The following ANP32A variants were observed in gnomAD, a reference collection of about 807,000 sequenced individuals.
ANP32A encodes the protein acidic leucine-rich nuclear phosphoprotein 32 family member A.
A neutral mutation model predicts 33.9 loss-of-function variants in ANP32A; 1 was observed. That is an observed-to-expected ratio of 0.03 (90% confidence interval 0.01 to 0.14). The LOEUF is 0.14. ANP32A is among the 10% of genes least tolerant of loss of function. The pLI is 1.00. For synonymous variants in ANP32A, 115 were observed against 120.5 expected (o/e 0.95, Z 0.30); for missense variants, 155 against 306.0 (o/e 0.51, Z 3.68).
Position 68,795,134 on chromosome 15 carries a change from G to A in ANP32A, c.55-7215C>T, listed in dbSNP as rs532823702. Among the ~76,000 whole-genome samples, 25 of 152,254 alleles carry A rather than the reference G, an allele frequency of 1.6e-4. No homozygotes were observed. The South Asian group carries it at 5.0e-3, about 30-fold the overall frequency. On this transcript the variant is annotated intron_variant, in intron 1 of 6. Coordinates refer to ENST00000465139, the MANE Select transcript of ANP32A (RefSeq NM_006305.4). ...CCAGTGGAAGACCATGGAATTAACA[G>A]ATCACTCGTGTAGCTTTCAAGTTTC...
Position 68,780,344 on chromosome 15 carries a change from A to T in ANP32A, c.688+66T>A. On this transcript the variant is annotated intron_variant, in intron 6 of 6. Transcript: ENST00000465139. The surrounding 1 kb of genome is among the most constrained non-coding windows in gnomAD (Gnocchi z 4.3). ...CCCACTGCCAGGGGCCTCTGAGTCT[A>T]AGCAATCTAAGGCCAAAGTGAAAGG... The T allele has an allele frequency of 6.2e-7, 1 of 1,611,488 alleles. No homozygotes were observed. The highest frequency in any genetic ancestry group is 8.5e-7 in the Non-Finnish European group (1 of 1,178,530).
intron 1 of ANP32A, chr15:68,791,294 G>A (rs1351775144): frequency 6.6e-6 from 1 of 152,202 alleles, no homozygotes; most frequent in African/African-American, 2.4e-5. Context: ...CTTCTCTGAA[G>A]GTTCTCATGT....
At chr15:68,781,132 C>T (rs1444318410) in intron 5 of ANP32A, 1 of 152,134 alleles carries the variant, frequency 6.6e-6, no homozygotes, top group Non-Finnish European at 1.5e-5. Context: ...AAAGTATATG[C>T]AAGTTGAATC....
At chr15:68,809,643 C>T (rs1296472691) in intron 1 of ANP32A, among the ~76,000 whole-genome samples, 2 of 152,176 alleles carry the variant, frequency 1.3e-5, no homozygotes, top group Non-Finnish European at 1.5e-5. Context: ...AAGAAGTGTG[C>T]ATCACCCACC....
chr15:68,795,665 G>A (rs887726586), intron 1 of ANP32A, among the ~76,000 whole-genome samples: 1 of 152,200 alleles, frequency 6.6e-6, no homozygotes, highest in African/African-American at 2.4e-5. Flanking sequence ...CAGACTCAGG[G>A]CAGTACTCCG....
intron 5 of ANP32A, chr15:68,781,424 G>C (rs1041014993): frequency 1.4e-4 from 18 of 130,976 alleles, no homozygotes; most frequent in African/African-American, 5.4e-4. Flanking sequence ...TCCTGTGACA[G>C]GAAGAGGAAG....
At chr15:68,783,838 G>A (rs1267500192) in intron 4 of ANP32A, among the ~76,000 whole-genome samples, 1 of 152,162 alleles carries the variant, frequency 6.6e-6, no homozygotes, top group East Asian at 1.9e-4. Flanking sequence ...ACCTGAGCCT[G>A]TGCCCCTAGG....
chr15:68,798,615 C>A (rs887796650), intron 1 of ANP32A, among the ~76,000 whole-genome samples: 1 of 152,156 alleles, frequency 6.6e-6, no homozygotes, highest in Non-Finnish European at 1.5e-5. Context: ...ACTTAGGGCC[C>A]ACACCCTCAA....
chr15:68,802,200 T>G (rs891148227), intron 1 of ANP32A, among the ~76,000 whole-genome samples: 5 of 152,188 alleles, frequency 3.3e-5, no homozygotes, highest in Admixed American at 6.5e-5. Flanking sequence ...TTCTCATGGT[T>G]TTAAAACCAA....
chr15:68,783,443 C>T (rs1358400151), intron 4 of ANP32A, among the ~76,000 whole-genome samples: 2 of 152,138 alleles, frequency 1.3e-5, no homozygotes, highest in Non-Finnish European at 2.9e-5. Flanking sequence ...TTCAAGGTCA[C>T]GCATCGAGTC....
chr15:68,809,086 G>A (rs2140372201), intron 1 of ANP32A, among the ~76,000 whole-genome samples: 1 of 152,286 alleles, frequency 6.6e-6, no homozygotes, highest in East Asian at 1.9e-4. Flanking sequence ...TGGGCAGAGA[G>A]AACCCGGGGG....
At chr15:68,785,555 G>C (rs1893921041) in intron 3 of ANP32A, among the ~76,000 whole-genome samples, 1 of 152,200 alleles carries the variant, frequency 6.6e-6, no homozygotes, top group African/African-American at 2.4e-5. Flanking sequence ...TGACCTTGCA[G>C]TTGAGACCTG....
intron 1 of ANP32A, among the ~76,000 whole-genome samples, chr15:68,816,084 A>G (rs1894376283): frequency 2.0e-5 from 3 of 152,202 alleles, no homozygotes; most frequent in Non-Finnish European, 4.4e-5. Flanking sequence ...AAGGCTTCAT[A>G]AAATGATAAT....
chr15:68,780,080 C>T lies in ANP32A; in HGVS notation c.*1G>A, dbSNP rs780196261. On this transcript the variant is annotated 3_prime_UTR_variant, in exon 7 of 7. Coordinates refer to ENST00000465139, the MANE Select transcript of ANP32A (RefSeq NM_006305.4). This position sits in a 1 kb window ranked among gnomAD's most constrained non-coding sequence, Gnocchi z 4.3. ...GAATTTTTCAAAATAGGTTATTCCA[C>T]TTAGTCATCATCTTCTCCCTCATCT... 2.3e-5 allele frequency: 37 copies of T among 1,613,378 alleles called. No individual in the cohort carries two copies. The highest frequency in any genetic ancestry group is 3.1e-5 in the Non-Finnish European group (37 of 1,179,620).
In ANP32A at chr15:68,780,009, G is replaced by GT. The variant is rs999758320; in HGVS notation, c.*71_*72insA. The GT allele has an allele frequency of 5.8e-5, 79 of 1,358,248 alleles. No individual in the cohort carries two copies. In the African/African-American group the frequency reaches 9.0e-4, roughly 15 times the overall value. 84.1% of individuals were successfully genotyped at this position (1,358,248 alleles called of 1,614,324 possible). ...TAAGTTTCAGGGGGCAGGATTGGAG[G>GT]GGGGGGGGAGAGGGGATATGGGTAA... On this transcript the variant is annotated 3_prime_UTR_variant, in exon 7 of 7. Coordinates refer to ENST00000465139, the MANE Select transcript of ANP32A (RefSeq NM_006305.4). This position sits in a 1 kb window ranked among gnomAD's most constrained non-coding sequence, Gnocchi z 4.3.
chr15:68,795,934 C>T (rs905483295), intron 1 of ANP32A, among the ~76,000 whole-genome samples: 2 of 152,074 alleles, frequency 1.3e-5, no homozygotes, highest in African/African-American at 4.8e-5. Context: ...AAAGTGTTCA[C>T]AGAGGAGCAG....
intron 1 of ANP32A, chr15:68,789,219 C>G (rs1893970466): frequency 6.5e-6 from 1 of 152,834 alleles, no homozygotes; most frequent in Non-Finnish European, 1.5e-5. Flanking sequence ...CCCAAGCTCC[C>G]TGCAGGTGCC....
intron 1 of ANP32A, chr15:68,817,317 C>T (rs889322504): frequency 1.3e-5 from 2 of 152,300 alleles, no homozygotes; most frequent in Non-Finnish European, 2.9e-5. Flanking sequence ...AGGTTTAGAC[C>T]GAGGAGGAGG....
At chr15:68,785,522 C>T (rs981548378) in intron 3 of ANP32A, among the ~76,000 whole-genome samples, 27 of 152,164 alleles carry the variant, frequency 1.8e-4, no homozygotes, top group African/African-American at 6.0e-4. Context: ...GAGTCAATGT[C>T]GGGAGCTAGG....
Sources: gnomAD v4.1 joint callset for allele counts (sites outside exome capture counted in the v4.1 genomes callset) on GRCh38, gnomAD v4.1.1 for gene constraint, Gnocchi (gnomAD v3.1) non-coding constraint, MANE v1.5 for transcripts, NCBI Gene and HGNC (gene_info 2026-07-23, HGNC 2026-07-21) for gene names.